The following RAB11FIP5 variants were observed in gnomAD, a reference collection of about 807,000 sequenced individuals.
The protein encoded by RAB11FIP5 is rab11 family-interacting protein 5.
RAB11FIP5 carries 48 observed loss-of-function variants against 85.1 expected under a neutral mutation model. The ratio of observed to expected loss-of-function variants is 0.56; its 90% CI spans 0.45 to 0.72. RAB11FIP5 has a LOEUF of 0.72. Among genes scored for constraint, RAB11FIP5 ranks in the 30% least tolerant of loss-of-function variants. The pLI is 0.00. For synonymous variants in RAB11FIP5, 729 were observed against 727.3 expected (o/e 1.00, Z -0.04); for missense variants, 1,491 against 1,687.0 (o/e 0.88, Z 2.04).
In RAB11FIP5 at chr2:73,080,031, CAAG is replaced by C. The variant is rs1683942116; in HGVS notation, c.3198_3200del (p.Phe1066del). ...TGGGAGGATCTCGGCTCCCCTGAAA[CAAG>C]AAGGGGTTCAAGGCATCTTCCTTGG... is the stretch of plus-strand genomic sequence containing the variant. On this transcript the variant is annotated inframe_deletion, in exon 4 of 6. Transcript: ENST00000486777. 1.6e-6 allele frequency: 2 copies of C among 1,232,214 alleles called. No homozygotes were observed. The highest frequency in any genetic ancestry group is 2.0e-6 in the Non-Finnish European group (2 of 988,074). The allele number at this position is 1,232,214 out of a possible 1,614,324, so 76.3% of individuals were successfully genotyped here. A position where few individuals can be genotyped will look rare whatever the true frequency, so the allele number is the denominator to read the frequency against.
At chr2:73,110,873 G>C (rs779985557) in intron 1 of RAB11FIP5, among the ~76,000 whole-genome samples, 5 of 152,124 alleles carry the variant, frequency 3.3e-5, no homozygotes, top group Non-Finnish European at 7.4e-5. Context: ...GTGAAGGACT[G>C]GGGGAAGGGG....
Position 73,089,085 on chromosome 2 carries a change from T to C in RAB11FIP5, c.662A>G (p.Asp221Gly), listed in dbSNP as rs1684155809. 1 of 1,614,182 alleles carries C rather than the reference T, an allele frequency of 6.2e-7. No individual in the cohort carries two copies. Among genetic ancestry groups the C allele is most frequent in the Non-Finnish European group, 8.5e-7 (1 of 1,180,018 alleles). ...GCCCATCTTGCCCAGGCTGCCCAGG[T>C]CAGGATCCTCTATGGCGCTGCTTGG... Reference protein sequence around the residue: ...ILPSSAIEDPDLGSLGKMGKA... With the variant: ...ILPSSAIEDPGLGSLGKMGKA... The change falls in exon 2 of 6, where the codon GAC becomes GGC. Residue 221 changes from aspartate to glycine, a missense_variant. Physicochemically the swap from Asp to Gly is moderately conservative, Grantham distance 94 (BLOSUM62 -1). Coordinates refer to ENST00000486777, the MANE Select transcript of RAB11FIP5 (RefSeq NM_001371272.1). This position sits in a 1 kb window ranked among gnomAD's most constrained non-coding sequence, Gnocchi z 4.6.
At chr2:73,079,520 C>G in intron 4 of RAB11FIP5, 131 bp downstream of exon 4, 1 of 1,130,778 alleles carries the variant, frequency 8.8e-7, no homozygotes, top group Non-Finnish European at 1.1e-6. Flanking sequence ...CGTCTTGCCT[C>G]TGGGGTAAAA....
chr2:73,080,589 C>T lies in RAB11FIP5; in HGVS notation c.2643G>A (p.Pro881=), dbSNP rs527626766. Residue 881 remains proline, a synonymous_variant, in exon 4 of 6, where the codon CCG becomes CCA. Coordinates refer to ENST00000486777, the MANE Select transcript of RAB11FIP5 (RefSeq NM_001371272.1). ...CCCACTCGGGTTTAGGCTCGGGCTC[C>T]GGTGGGGGAAGCCCCTCGCTCCCCT... ...SPKGSEGLPP[P]EPEPKPEWVS... is the part of the protein sequence containing the mutation. 236 of 1,232,370 alleles carry T rather than the reference C, an allele frequency of 1.9e-4. No individual in the cohort carries two copies. Among genetic ancestry groups the T allele is most frequent in the African/African-American group, 1.4e-3 (90 of 64,518 alleles). The allele number at this position is 1,232,370 out of a possible 1,614,324, so 76.3% of individuals were successfully genotyped here.
intron 3 of RAB11FIP5, among the ~76,000 whole-genome samples, chr2:73,082,994 C>G (rs1010213478): frequency 2.0e-5 from 3 of 152,218 alleles, no homozygotes; most frequent in Non-Finnish European, 4.4e-5. Context: ...AGGCCTGGCT[C>G]TAAGCTTCCA....
Position 73,073,432 on chromosome 2 carries a change from C to G in RAB11FIP5, c.*2089G>C, listed in dbSNP as rs1046151. The G allele has an allele frequency of 0.19, 29,555 of 152,664 alleles. 3,501 individuals carry two copies. The highest frequency in any genetic ancestry group is 0.3 in the Middle Eastern group (88 of 294). 9.5% of individuals were successfully genotyped at this position (152,664 alleles called of 1,614,324 possible). A position where few individuals can be genotyped will look rare whatever the true frequency, so the allele number is the denominator to read the frequency against. On this transcript the variant is annotated 3_prime_UTR_variant, in exon 6 of 6. Coordinates refer to ENST00000486777, the MANE Select transcript of RAB11FIP5 (RefSeq NM_001371272.1). Reference sequence around the variant, plus strand: ...CATAAAGTGCTTAAAACATGAAGAACAAGCTCTTTATAAAGAGCCTTAACT... The same window carrying G: ...CATAAAGTGCTTAAAACATGAAGAAGAAGCTCTTTATAAAGAGCCTTAACT...
intron 1 of RAB11FIP5, among the ~76,000 whole-genome samples, chr2:73,110,404 T>C (rs1684613750): frequency 1.3e-5 from 2 of 151,826 alleles, no homozygotes; most frequent in African/African-American, 4.8e-5. Flanking sequence ...TGCTGTTAGG[T>C]CCAGTAAACT....
In RAB11FIP5 at chr2:73,075,763, G is replaced by GGCAT; in HGVS notation, c.3772-40_3772-39insATGC. 6.6e-7 allele frequency: 1 copy of GGCAT among 1,510,324 alleles called. No homozygotes were observed. Among genetic ancestry groups the GGCAT allele is most frequent in the Non-Finnish European group, 8.9e-7 (1 of 1,123,562 alleles). The allele number at this position is 1,510,324 out of a possible 1,614,324, so 93.6% of individuals were successfully genotyped here. On this transcript the variant is annotated intron_variant, in intron 5 of 5. Coordinates refer to ENST00000486777, the MANE Select transcript of RAB11FIP5 (RefSeq NM_001371272.1). This position sits in a 1 kb window ranked among gnomAD's most constrained non-coding sequence, Gnocchi z 4.6. ...GAAGACAGTGAGCAGGGCAGCCCTAGGCCTGCCTGCCTGCCTGCCCGCTTG... is the reference window on the plus strand; with the variant it reads ...GAAGACAGTGAGCAGGGCAGCCCTAGGCATGCCTGCCTGCCTGCCTGCCCGCTTG...
At chr2:73,085,771 C>A (rs1684080601) in intron 3 of RAB11FIP5, among the ~76,000 whole-genome samples, 1 of 152,186 alleles carries the variant, frequency 6.6e-6, no homozygotes, top group Non-Finnish European at 1.5e-5. Flanking sequence ...CGTTCAGCCC[C>A]GGGCCTCTCT....
chr2:73,089,083 G>A lies in RAB11FIP5; in HGVS notation c.664C>T (p.Leu222=). The A allele has an allele frequency of 6.2e-7, 1 of 1,614,202 alleles. No homozygotes were observed. Among genetic ancestry groups the A allele is most frequent in the Non-Finnish European group, 8.5e-7 (1 of 1,180,036 alleles). The change falls in exon 2 of 6, where the codon CTG becomes TTG. Residue 222 remains leucine (L), a synonymous_variant. Transcript: ENST00000486777. The surrounding 1 kb of genome is among the most constrained non-coding windows in gnomAD (Gnocchi z 4.6). ...TTGCCCATCTTGCCCAGGCTGCCCA[G>A]GTCAGGATCCTCTATGGCGCTGCTT... ...LPSSAIEDPD[L]GSLGKMGKAK... is the part of the protein sequence containing the mutation.
At chr2:73,100,665 A>C (rs1684411369) in intron 1 of RAB11FIP5, among the ~76,000 whole-genome samples, 1 of 151,942 alleles carries the variant, frequency 6.6e-6, no homozygotes, top group African/African-American at 2.4e-5. Flanking sequence ...ACCTCAAGTG[A>C]TCCATCTGCC....
At chr2:73,090,001 C>T (rs1684177970) in intron 1 of RAB11FIP5, among the ~76,000 whole-genome samples, 1 of 151,938 alleles carries the variant, frequency 6.6e-6, no homozygotes, top group Admixed American at 6.6e-5. Flanking sequence ...AGAAAGAGAC[C>T]CAGGAAAGAC....
chr2:73,087,975 C>T, intron 3 of RAB11FIP5, 75 bp downstream of exon 3: 1 of 1,411,232 alleles, frequency 7.1e-7, no homozygotes, highest in Non-Finnish European at 9.7e-7. Context: ...CTCCTTCCTC[C>T]CTGCCCCAGG....
At chr2:73,077,102 C>T (rs1683878238) in intron 4 of RAB11FIP5, among the ~76,000 whole-genome samples, 1 of 152,174 alleles carries the variant, frequency 6.6e-6, no homozygotes. Flanking sequence ...CATCCTACCA[C>T]TCTCCTAATC....
Position 73,088,164 on chromosome 2 carries a change from T to C in RAB11FIP5, c.1454A>G (p.Glu485Gly), listed in dbSNP as rs774600602. Residue 485 changes from glutamate (E) to glycine (G), a missense_variant, in exon 3 of 6, where the codon GAA (glutamate) becomes GGA (glycine). Physicochemically the swap from Glu to Gly is moderately conservative, Grantham distance 98. Around this residue, in one of 3 missense-constraint regions of RAB11FIP5, gnomAD observed 1,211 missense variants for 1,338.0 expected, o/e 0.91. Transcript: ENST00000486777. ...GGCCCCCAGGATGGGACCCCCCTTT[T>C]CCCCCAGAGAGCTTCGGCGACCCAA... ...SELGRRSSLG[E>G]KGGPILGASP... 68 of 1,613,750 alleles carry C rather than the reference T, an allele frequency of 4.2e-5. No individual in the cohort carries two copies. The Admixed American group carries it at 1.1e-3, about 27-fold the overall frequency.
intron 1 of RAB11FIP5, among the ~76,000 whole-genome samples, chr2:73,091,717 G>C (rs1419345451): frequency 6.6e-6 from 1 of 152,062 alleles, no homozygotes. Context: ...GGCTTCCTGG[G>C]GCACCTCTGA....
At chr2:73,097,044 T>G (rs887027097) in intron 1 of RAB11FIP5, among the ~76,000 whole-genome samples, 5 of 150,948 alleles carry the variant, frequency 3.3e-5, no homozygotes, top group African/African-American at 1.2e-4. Context: ...CTTTATGTTT[T>G]TATTTTATTT....
In RAB11FIP5 at chr2:73,080,764, C is replaced by G; in HGVS notation, c.2468G>C (p.Cys823Ser). 1 of 1,232,594 alleles carries G rather than the reference C, an allele frequency of 8.1e-7. No individual in the cohort carries two copies. The highest frequency in any genetic ancestry group is 1.0e-6 in the Non-Finnish European group (1 of 988,148). 76.4% of individuals were successfully genotyped at this position (1,232,594 alleles called of 1,614,324 possible). ...DESSRGENQLCPDVETADDAW... is the reference protein window; with the variant it reads ...DESSRGENQLSPDVETADDAW... Reference sequence around the variant, plus strand: ...ATCATCAGCTGTCTCGACGTCAGGGCAAAGCTGATTTTCGCCTCGGGAGGA... The same window carrying G: ...ATCATCAGCTGTCTCGACGTCAGGGGAAAGCTGATTTTCGCCTCGGGAGGA... The change falls in exon 4 of 6, where the codon TGC (cysteine) becomes TCC (serine). Residue 823 changes from cysteine to serine, a missense_variant. This residue lies in a region of RAB11FIP5 where 1,211 missense variants were observed against 1,338.0 expected (regional missense o/e 0.91). Transcript: ENST00000486777.
intron 1 of RAB11FIP5, among the ~76,000 whole-genome samples, chr2:73,100,941 G>T (rs1047785630): frequency 6.6e-6 from 1 of 151,942 alleles, no homozygotes; most frequent in Non-Finnish European, 1.5e-5. Context: ...GAGAAAGCTC[G>T]TCCTTATGCT....
Sources: gnomAD v4.1 joint callset for allele counts (sites outside exome capture counted in the v4.1 genomes callset) on GRCh38, gnomAD v4.1.1 for gene constraint, gnomAD v4.1.1 regional missense constraint, Gnocchi (gnomAD v3.1) non-coding constraint, MANE v1.5 for transcripts, NCBI Gene and HGNC (gene_info 2026-07-23, HGNC 2026-07-21) for gene names.